RBM33: variants seen among roughly 807,000 people sequenced by gnomAD.
RBM33 encodes the protein RNA binding motif protein 33.
RBM33 carries 28 observed loss-of-function variants against 132.6 expected under a neutral mutation model. The ratio of observed to expected loss-of-function variants is 0.21; its 90% confidence interval spans 0.16 to 0.29. The LOEUF (loss-of-function observed/expected upper bound fraction) is 0.29. RBM33 is among the 10% of genes least tolerant of loss of function. The probability of loss-of-function intolerance (pLI) is 1.00; values close to 1 mark genes in which losing one functional copy is unlikely to be tolerated. For synonymous variants in RBM33, 634 were observed against 593.0 expected (o/e 1.07, Z -1.01); for missense variants, 1,291 against 1,518.5 (o/e 0.85, Z 2.49).
At chr7:155,771,554 G>A (rs1314705336) in intron 16 of RBM33, among the ~76,000 whole-genome samples, 3 of 152,072 alleles carry the variant, frequency 2.0e-5, no homozygotes, top group Non-Finnish European at 4.4e-5. Context: ...CAATCAAATC[G>A]AGGTTTTTAA....
intron 1 of RBM33, among the ~76,000 whole-genome samples, chr7:155,650,042 T>C (rs966896837): frequency 3.9e-5 from 6 of 152,226 alleles, no homozygotes; most frequent in Non-Finnish European, 7.3e-5. Context: ...TTCCTTCATA[T>C]ATTTTCCTCC....
At position 155,680,899 on chromosome 7, in the gene RBM33, T is replaced by C. The variant is rs1248579615; in HGVS notation, c.558T>C (p.Asp186=). The C allele has an allele frequency of 6.2e-7, 1 of 1,612,886 alleles. No individual in the cohort carries two copies. Among genetic ancestry groups the C allele is most frequent in the South Asian group, 1.1e-5 (1 of 90,962 alleles). The change falls in exon 5 of 18, where the codon GAT becomes GAC. Residue 186 remains aspartate (D), a synonymous_variant. Transcript: ENST00000401878. ...VLDIEINEPL[D]EFTGGMETLE... ...ACATCGAGATCAATGAACCTTTAGA[T>C]GAATTTACAGTGAGTCTTTTCTCCT...
intron 7 of RBM33, among the ~76,000 whole-genome samples, chr7:155,710,664 A>G (rs1160270999): frequency 6.6e-6 from 1 of 151,556 alleles, no homozygotes; most frequent in Non-Finnish European, 1.5e-5. Context: ...CTTCTTCATC[A>G]CCGAGTTCAG....
intron 9 of RBM33, among the ~76,000 whole-genome samples, chr7:155,735,296 C>G (rs1801080321): frequency 6.6e-6 from 1 of 152,206 alleles, no homozygotes; most frequent in Non-Finnish European, 1.5e-5. Context: ...TGGGAGAAAG[C>G]AGGCAAGCTC....
intron 5 of RBM33, among the ~76,000 whole-genome samples, chr7:155,698,260 G>A (rs1469212233): frequency 6.6e-6 from 1 of 152,072 alleles, no homozygotes; most frequent in Non-Finnish European, 1.5e-5. Context: ...TCAGCTACTC[G>A]GGAGGCTGAA....
chr7:155,732,588 G>A (rs978670480), intron 9 of RBM33, among the ~76,000 whole-genome samples: 5 of 152,192 alleles, frequency 3.3e-5, no homozygotes, highest in Non-Finnish European at 5.9e-5. Flanking sequence ...ATATTTAAAT[G>A]AAAAATCTGA....
At position 155,699,561 on chromosome 7, in the gene RBM33, A is replaced by G. The variant is rs147478674; in HGVS notation, c.568-1212A>G. On this transcript the variant is annotated intron_variant, in intron 5 of 17. Coordinates refer to ENST00000401878, the MANE Select transcript of RBM33 (RefSeq NM_053043.3). Reference sequence around the variant, plus strand: ...CCAGCAAAAATCCTGAGATTTTGGTACTTTAAAATTCTACGGTATGCTGGA... The same window carrying G: ...CCAGCAAAAATCCTGAGATTTTGGTGCTTTAAAATTCTACGGTATGCTGGA... Among the ~76,000 whole-genome samples, 9 of 152,332 alleles carry G rather than the reference A, an allele frequency of 5.9e-5. No individual in the cohort carries two copies. In the South Asian group the frequency reaches 6.2e-4, roughly 11 times the overall value.
Position 155,711,274 on chromosome 7 carries a change from G to T in RBM33, c.1020G>T (p.Pro340=). The part of the protein sequence containing the change: ...QPIRSLFQPQ[P]LQPLLPVQHP... ...TCAGAAGCCTGTTCCAGCCGCAGCC[G>T]CTGCAGCCGCTGCTTCCGGTGCAGC... The change falls in exon 8 of 18, where the codon CCG becomes CCT. Residue 340 remains proline (P), a synonymous_variant. Coordinates refer to ENST00000401878, the MANE Select transcript of RBM33 (RefSeq NM_053043.3). 2 of 1,602,184 alleles carry T rather than the reference G, an allele frequency of 1.2e-6. No homozygotes were observed. The highest frequency in any genetic ancestry group is 1.4e-5 in the African/African-American group (1 of 74,062).
In RBM33 at chr7:155,672,850, CT is replaced by C. The variant is rs1208907824; in HGVS notation, c.123-9del. On this transcript the variant is annotated splice_polypyrimidine_tract_variant and intron_variant, in intron 2 of 17. Coordinates refer to ENST00000401878, the MANE Select transcript of RBM33 (RefSeq NM_053043.3). ...TATGGGAATAATCATTGACATGTCTCTTTTTTTTCTCCCAAGTGAACTTGAA... is the reference window on the plus strand; with the variant it reads ...TATGGGAATAATCATTGACATGTCTCTTTTTTTCTCCCAAGTGAACTTGAA... The C allele has an allele frequency of 9.2e-6, 14 of 1,529,026 alleles. No homozygotes were observed. The highest frequency in any genetic ancestry group is 6.0e-5 in the Admixed American group (3 of 49,692). The allele number at this position is 1,529,026 out of a possible 1,614,324, so 94.7% of individuals were successfully genotyped here. A position where few individuals can be genotyped will look rare whatever the true frequency, so the allele number is the denominator to read the frequency against.
chr7:155,753,291 G>A (rs1441091986), intron 14 of RBM33, among the ~76,000 whole-genome samples: 6 of 152,166 alleles, frequency 3.9e-5, no homozygotes, highest in Non-Finnish European at 7.4e-5. Flanking sequence ...TTCTAGATTT[G>A]CAAAATGGGA....
At chr7:155,685,340 G>A (rs1370246440) in intron 5 of RBM33, among the ~76,000 whole-genome samples, 1 of 152,114 alleles carries the variant, frequency 6.6e-6, no homozygotes, top group Non-Finnish European at 1.5e-5. Flanking sequence ...AAAGCAGTGT[G>A]GTAATTCTTT....
chr7:155,673,940 G>GTTGTTGTTTGTTTGTT lies in RBM33; in HGVS notation c.171+1027_171+1028insGTTGTTTGTTTGTTTT. ...TCATTATCAAGATAGTTTAGGCTTA[G>GTTGTTGTTTGTTTGTT]TTTTTTTTTTTTTTTTTTTTTTTTT... On this transcript the variant is annotated intron_variant, in intron 3 of 17. Coordinates refer to ENST00000401878, the MANE Select transcript of RBM33 (RefSeq NM_053043.3). Among the ~76,000 whole-genome samples the GTTGTTGTTTGTTTGTT allele has an allele frequency of 5.5e-5, 3 of 54,194 alleles. No individual in the cohort carries two copies. The Admixed American group carries it at 7.9e-4, about 14-fold the overall frequency. 35.6% of individuals were successfully genotyped at this position (54,194 alleles called of 152,430 possible).
intron 5 of RBM33, among the ~76,000 whole-genome samples, chr7:155,695,046 A>G (rs1051310285): frequency 2.0e-5 from 3 of 152,154 alleles, no homozygotes; most frequent in Admixed American, 6.5e-5. Context: ...ATTGTTCCTC[A>G]TCATTTAATG....
At chr7:155,762,064 G>A (rs1300820269) in intron 14 of RBM33, among the ~76,000 whole-genome samples, 3 of 152,234 alleles carry the variant, frequency 2.0e-5, no homozygotes, top group African/African-American at 7.2e-5. Flanking sequence ...CAGCGCCTGG[G>A]ATGAGCTTGT....
intron 1 of RBM33, 51 bp downstream of exon 1, chr7:155,644,970 G>A: frequency 1.4e-6 from 2 of 1,415,158 alleles, no homozygotes; most frequent in Admixed American, 2.5e-5. Context: ...GCGGTGGGCG[G>A]GGGTGTAGGC....
At chr7:155,743,957 T>C (rs1165562819) in intron 13 of RBM33, among the ~76,000 whole-genome samples, 1 of 152,162 alleles carries the variant, frequency 6.6e-6, no homozygotes, top group Non-Finnish European at 1.5e-5. Context: ...ACCTTCATTT[T>C]TGCAGTTTGA....
At position 155,674,419 on chromosome 7, in the gene RBM33, G is replaced by A. The variant is rs541988763; in HGVS notation, c.171+1504G>A. Reference sequence around the variant, plus strand: ...ACCTAAAGTGGCTACTTTTTTCTTCGTATTTAAGATGCTTTAATGGAGAAT... The same window carrying A: ...ACCTAAAGTGGCTACTTTTTTCTTCATATTTAAGATGCTTTAATGGAGAAT... On this transcript the variant is annotated intron_variant, in intron 3 of 17. Transcript: ENST00000401878. Among the ~76,000 whole-genome samples the A allele has an allele frequency of 6.3e-3, 963 of 151,986 alleles. 17 individuals carry two copies. The highest frequency in any genetic ancestry group is 0.022 in the African/African-American group (893 of 41,442).
At chr7:155,657,817 G>A (rs199776542) in intron 1 of RBM33, among the ~76,000 whole-genome samples, 6 of 152,134 alleles carry the variant, frequency 3.9e-5, no homozygotes, top group Non-Finnish European at 8.8e-5. Flanking sequence ...TCATAGATAG[G>A]GAATGCTCCT....
chr7:155,743,865 T>C (rs1801429230), intron 13 of RBM33, among the ~76,000 whole-genome samples: 2 of 152,218 alleles, frequency 1.3e-5, no homozygotes, highest in African/African-American at 2.4e-5. Flanking sequence ...GCTTCCCCGA[T>C]GCCCATGTCC....
Sources: gnomAD v4.1 joint callset for allele counts (sites outside exome capture counted in the v4.1 genomes callset) on GRCh38, gnomAD v4.1.1 for gene constraint, MANE v1.5 for transcripts, NCBI Gene and HGNC (gene_info 2026-07-23, HGNC 2026-07-21) for gene names.